The following RIPK1 variants were observed in gnomAD, a reference collection of about 807,000 sequenced individuals.
The protein encoded by RIPK1 is receptor interacting serine/threonine kinase 1.
Under a neutral mutation model 62.4 loss-of-function variants are expected in RIPK1, and 27 were observed. The ratio of observed to expected loss-of-function variants is 0.43; its 90% CI spans 0.32 to 0.60. RIPK1 has a LOEUF of 0.60. Ranked by LOEUF, RIPK1 falls within the 20% of genes least tolerant of loss-of-function variation. RIPK1 has a pLI of 0.07. For synonymous variants in RIPK1, 287 were observed against 303.2 expected (o/e 0.95, Z 0.55); for missense variants, 735 against 831.0 (o/e 0.88, Z 1.42).
intron 1 of RIPK1, among the ~76,000 whole-genome samples, chr6:3,073,567 C>T (rs905436327): frequency 6.6e-6 from 1 of 152,160 alleles, no homozygotes; most frequent in African/African-American, 2.4e-5. Context: ...CGCCTCCACC[C>T]ACTGCCCACG....
chr6:3,067,026 T>C (rs1758407642), upstream of RIPK1, among the ~76,000 whole-genome samples: 1 of 150,962 alleles, frequency 6.6e-6, no homozygotes, highest in African/African-American at 2.4e-5. Flanking sequence ...TTCACTTAGA[T>C]TTATACATTT....
At chr6:3,101,189 G>T (rs1342890976) in intron 7 of RIPK1, among the ~76,000 whole-genome samples, 1 of 152,150 alleles carries the variant, frequency 6.6e-6, no homozygotes, top group African/African-American at 2.4e-5. Flanking sequence ...GAGGTGGCAG[G>T]CTCTCTTGAG....
intron 5 of RIPK1, 86 bp from the exon 6 acceptor site, chr6:3,085,173 G>C: frequency 6.8e-7 from 1 of 1,462,348 alleles, no homozygotes; most frequent in East Asian, 2.3e-5. Flanking sequence ...ACCAGAGGCT[G>C]AGAAAAATGA....
rs1286669620 is a variant in RIPK1 at position 3,083,206 on chromosome 6, C to T, written c.581C>T (p.Ala194Val). 6.2e-6 allele frequency: 10 copies of T among 1,613,880 alleles called. No individual in the cohort carries two copies. Among genetic ancestry groups the T allele is most frequent in the Non-Finnish European group, 8.5e-6 (10 of 1,179,998 alleles). ...KKNGGTLYYM[A>V]PEHLNDVNAK... The stretch of plus-strand genomic sequence containing the variant: ...AATGGCGGCACCCTCTACTACATGG[C>T]GCCCGAGCACCTGAATGACGTCAAC... Residue 194 changes from alanine to valine, a missense_variant, in exon 5 of 11, where the codon GCG becomes GTG. Physicochemically the swap from Ala to Val is moderately conservative, Grantham distance 64. Transcript: ENST00000259808.
At chr6:3,071,312 C>G (rs1326889430) in intron 1 of RIPK1, among the ~76,000 whole-genome samples, 6 of 152,218 alleles carry the variant, frequency 3.9e-5, no homozygotes. Flanking sequence ...GATATGTATA[C>G]TTACCCTGCC....
intron 10 of RIPK1, 35 bp downstream of exon 10, chr6:3,110,990 C>A (rs191829800): frequency 2.1e-5 from 32 of 1,494,026 alleles, no homozygotes; most frequent in Admixed American, 8.4e-5. Context: ...CGCCTAGCAA[C>A]CTTGAACTTT....
chr6:3,073,636 T>C (rs908382576), intron 1 of RIPK1, among the ~76,000 whole-genome samples: 5 of 152,248 alleles, frequency 3.3e-5, no homozygotes, highest in East Asian at 3.9e-4. Context: ...TCTTATGTCC[T>C]AGGAAAGAAG....
Position 3,068,546 on chromosome 6 carries a change from G to A in RIPK1, c.-176G>A. 2.0e-6 allele frequency: 2 copies of A among 985,276 alleles called. No homozygotes were observed. Among genetic ancestry groups the A allele is most frequent in the Non-Finnish European group, 2.4e-6 (2 of 829,868 alleles). The allele number at this position is 985,276 out of a possible 1,614,324, so 61.0% of individuals were successfully genotyped here. ...CGACGCGGACGGCGGGCCAGCTGCC[G>A]GAGCGCGGCGACTCCAGGGGACCCA... On this transcript the variant is annotated 5_prime_UTR_variant, in exon 1 of 11. Coordinates refer to ENST00000259808, the MANE Select transcript of RIPK1 (RefSeq NM_001354930.2).
At chr6:3,084,484 CCTT>C (rs1759583467) in intron 5 of RIPK1, among the ~76,000 whole-genome samples, 1 of 151,872 alleles carries the variant, frequency 6.6e-6, no homozygotes, top group South Asian at 2.1e-4. Context: ...GAGTCCTCCT[CCTT>C]AAGTCTCCCT....
At chr6:3,081,651 G>C (rs954512397) in intron 4 of RIPK1, among the ~76,000 whole-genome samples, 1 of 151,826 alleles carries the variant, frequency 6.6e-6, no homozygotes, top group African/African-American at 2.4e-5. Context: ...ACCTGAGGTC[G>C]GGAGTTCGAG....
At chr6:3,083,537 T>C (rs1759529284) in intron 5 of RIPK1, among the ~76,000 whole-genome samples, 1 of 152,174 alleles carries the variant, frequency 6.6e-6, no homozygotes, top group Non-Finnish European at 1.5e-5. Flanking sequence ...TTTCTGCTTG[T>C]GAGGACTTAG....
chr6:3,073,358 CATT>C (rs1363006941), intron 1 of RIPK1, among the ~76,000 whole-genome samples: 3 of 151,532 alleles, frequency 2.0e-5, no homozygotes, highest in Non-Finnish European at 4.4e-5. Flanking sequence ...GTGAGGTGGT[CATT>C]ATTGTTTCAC....
intron 7 of RIPK1, among the ~76,000 whole-genome samples, chr6:3,101,460 A>T (rs974189885): frequency 6.6e-6 from 1 of 152,208 alleles, no homozygotes; most frequent in Non-Finnish European, 1.5e-5. Flanking sequence ...ATCTCTAAAA[A>T]TAAACATGCA....
At chr6:3,081,753 G>A (rs919909830) in intron 4 of RIPK1, among the ~76,000 whole-genome samples, 5 of 151,462 alleles carry the variant, frequency 3.3e-5, no homozygotes, top group African/African-American at 4.9e-5. Context: ...CCAGCTACTC[G>A]GGAGGCTGGG....
chr6:3,080,139 C>T (rs940995177), intron 3 of RIPK1, among the ~76,000 whole-genome samples: 2 of 152,150 alleles, frequency 1.3e-5, no homozygotes, highest in South Asian at 2.1e-4. Context: ...AGCTCTGCTA[C>T]GTTATGTCAT....
intron 7 of RIPK1, among the ~76,000 whole-genome samples, chr6:3,103,674 T>C (rs758218090): frequency 1.3e-5 from 2 of 152,264 alleles, no homozygotes; most frequent in African/African-American, 2.4e-5. Context: ...CTTTTGTTTG[T>C]GCTTTTGTGT....
At chr6:3,087,814 A>G (rs1380081900) in intron 6 of RIPK1, among the ~76,000 whole-genome samples, 3 of 152,062 alleles carry the variant, frequency 2.0e-5, no homozygotes, top group Non-Finnish European at 4.4e-5. Flanking sequence ...GTGGGATTAC[A>G]GGTGTGAGCC....
chr6:3,090,825 C>T (rs9765947), intron 7 of RIPK1, among the ~76,000 whole-genome samples: 1,950 of 84,950 alleles, frequency 0.023, 97 homozygotes, highest in African/African-American at 0.07. Context: ...AACCGCAGCG[C>T]ACCTACCTGC....
At chr6:3,104,998 T>C (rs776175574) in intron 8 of RIPK1, among the ~76,000 whole-genome samples, 6 of 152,098 alleles carry the variant, frequency 3.9e-5, no homozygotes, top group Non-Finnish European at 8.8e-5. Context: ...ATTACAGGCA[T>C]GCACCACCAT....
Sources: gnomAD v4.1 joint callset for allele counts (sites outside exome capture counted in the v4.1 genomes callset) on GRCh38, gnomAD v4.1.1 for gene constraint, MANE v1.5 for transcripts, NCBI Gene and HGNC (gene_info 2026-07-23, HGNC 2026-07-21) for gene names.